The following ITSN1 variants were observed in gnomAD, a reference collection of about 807,000 sequenced individuals.
ITSN1 encodes intersectin 1.
Under a neutral mutation model 239.8 loss-of-function variants are expected in ITSN1, and 58 were observed. The observed-to-expected ratio is 0.24, with a 90% CI of 0.20 to 0.30. The LOEUF (loss-of-function observed/expected upper bound fraction) is 0.30. ITSN1 is among the 10% of genes least tolerant of loss of function. The pLI is 1.00. For synonymous variants in ITSN1, 780 were observed against 770.8 expected (o/e 1.01, Z -0.20); for missense variants, 1,558 against 2,103.3 (o/e 0.74, Z 5.07).
At chr21:33,816,518 G>A (rs1490783786) in intron 22 of ITSN1, among the ~76,000 whole-genome samples, 1 of 152,224 alleles carries the variant, frequency 6.6e-6, no homozygotes, top group East Asian at 1.9e-4. Context: ...CAGAAAATTA[G>A]TAAGTGACAG....
At chr21:33,758,984 A>G (rs1602056986) in intron 8 of ITSN1, among the ~76,000 whole-genome samples, 1 of 152,316 alleles carries the variant, frequency 6.6e-6, no homozygotes, top group African/African-American at 2.4e-5. Context: ...TCTATTTTTA[A>G]TATTTTGCAA....
intron 1 of ITSN1, among the ~76,000 whole-genome samples, chr21:33,668,959 G>A (rs772579219): frequency 6.6e-5 from 10 of 152,206 alleles, no homozygotes; most frequent in African/African-American, 9.6e-5. Flanking sequence ...ATGCCTAGGC[G>A]GCTGAAGGGG....
At chr21:33,674,440 G>T (rs543741721) in intron 1 of ITSN1, among the ~76,000 whole-genome samples, 1 of 152,178 alleles carries the variant, frequency 6.6e-6, no homozygotes, top group Non-Finnish European at 1.5e-5. Flanking sequence ...TTTCTAACAA[G>T]TTCCCCATTA....
intron 1 of ITSN1, among the ~76,000 whole-genome samples, chr21:33,671,520 G>T (rs976129460): frequency 6.6e-6 from 1 of 152,064 alleles, no homozygotes; most frequent in Non-Finnish European, 1.5e-5. Flanking sequence ...CCTGACCTCA[G>T]TGCTGGGATT....
intron 4 of ITSN1, among the ~76,000 whole-genome samples, chr21:33,727,867 T>A (rs2065923492): frequency 6.6e-6 from 1 of 152,118 alleles, no homozygotes; most frequent in African/African-American, 2.4e-5. Context: ...GCTACCATCC[T>A]AACCTGTCAT....
intron 14 of ITSN1, among the ~76,000 whole-genome samples, chr21:33,777,108 T>C (rs963353600): frequency 6.6e-6 from 1 of 152,222 alleles, no homozygotes; most frequent in Non-Finnish European, 1.5e-5. Flanking sequence ...TTGTATCTTA[T>C]ATGTTTAGGT....
intron 1 of ITSN1, among the ~76,000 whole-genome samples, chr21:33,660,017 A>G (rs1454118575): frequency 6.6e-6 from 1 of 152,078 alleles, no homozygotes; most frequent in Non-Finnish European, 1.5e-5. Context: ...CCTGGATTCT[A>G]TCTGATGCTG....
At chr21:33,745,125 G>C (rs2067101756) in intron 5 of ITSN1, among the ~76,000 whole-genome samples, 1 of 152,148 alleles carries the variant, frequency 6.6e-6, no homozygotes, top group Non-Finnish European at 1.5e-5. Flanking sequence ...ATCACAAAAA[G>C]ACAGCTACAT....
chr21:33,735,725 G>A (rs911809660), intron 5 of ITSN1: 12 of 156,626 alleles, frequency 7.7e-5, no homozygotes, highest in African/African-American at 1.2e-4. Context: ...AATTCCAGCC[G>A]GGCATGGTGG....
At chr21:33,784,765 C>T (rs2070514750) in intron 16 of ITSN1, among the ~76,000 whole-genome samples, 1 of 152,098 alleles carries the variant, frequency 6.6e-6, no homozygotes, top group Non-Finnish European at 1.5e-5. Flanking sequence ...TTGTTGTAGC[C>T]ACACTGGAAA....
chr21:33,682,107 T>G (rs2090995187), intron 1 of ITSN1, among the ~76,000 whole-genome samples: 1 of 152,064 alleles, frequency 6.6e-6, no homozygotes, highest in Non-Finnish European at 1.5e-5. Flanking sequence ...CAGAAAAAAT[T>G]TTAAATATGC....
At chr21:33,651,938 T>TA (rs1362794442) in intron 1 of ITSN1, among the ~76,000 whole-genome samples, 1 of 152,242 alleles carries the variant, frequency 6.6e-6, no homozygotes, top group Non-Finnish European at 1.5e-5. Flanking sequence ...TGATTAATAT[T>TA]ACAGTTGTGA....
At chr21:33,649,712 C>T in intron 1 of ITSN1, among the ~76,000 whole-genome samples, 1 of 152,000 alleles carries the variant, frequency 6.6e-6, no homozygotes, top group East Asian at 1.9e-4. Context: ...CAAGTGAATT[C>T]GAATGTGAAA....
chr21:33,679,983 A>C (rs7277865), intron 1 of ITSN1, among the ~76,000 whole-genome samples: 104,728 of 152,076 alleles, frequency 0.69, 36,376 homozygotes, highest in African/African-American at 0.74. Flanking sequence ...CAGGCGTGAG[A>C]CACCGCGCCC....
intron 8 of ITSN1, 108 bp downstream of exon 8, chr21:33,755,505 A>G (rs974254996): frequency 1.4e-5 from 9 of 632,688 alleles, no homozygotes; most frequent in Non-Finnish European, 2.2e-5. Context: ...ATTTCTTGGC[A>G]GTGTTTCCTT....
At chr21:33,809,800 ATT>A (rs201399751) in intron 20 of ITSN1, among the ~76,000 whole-genome samples, 2 of 150,572 alleles carry the variant, frequency 1.3e-5, no homozygotes, top group Non-Finnish European at 3.0e-5. Flanking sequence ...TGAAAATAAA[ATT>A]TTTTTTTTGA....
rs1307405930 is a variant in ITSN1 at position 33,782,089 on chromosome 21, A to G, written c.1780A>G (p.Arg594Gly). 2 of 1,613,964 alleles carry G rather than the reference A, an allele frequency of 1.2e-6. No homozygotes were observed. The highest frequency in any genetic ancestry group is 1.1e-5 in the South Asian group (1 of 91,066). ...ACTGGATGAAGTGGAGAAAGAAACT[A>G]GATCAAAACTACAGGAGATTGATAT... ...DQLDEVEKETRSKLQEIDIFN... is the reference protein window; with the variant it reads ...DQLDEVEKETGSKLQEIDIFN... The change falls in exon 16 of 40, where the codon AGA (arginine) becomes GGA (glycine). Residue 594 changes from arginine (R) to glycine (G), a missense_variant. Arg to Gly is a moderately radical substitution (Grantham distance 125, BLOSUM62 -2). Around this residue, in one of 2 missense-constraint regions of ITSN1, gnomAD observed 982 missense variants for 1,209.9 expected, o/e 0.81. Transcript: ENST00000381318.
intron 32 of ITSN1, among the ~76,000 whole-genome samples, chr21:33,866,800 A>G (rs1249423375): frequency 1.3e-5 from 2 of 152,192 alleles, no homozygotes; most frequent in African/African-American, 4.8e-5. Context: ...ACTCAAAACT[A>G]GACAATGAGA....
At chr21:33,688,348 C>T (rs984752177) in intron 1 of ITSN1, among the ~76,000 whole-genome samples, 1 of 152,254 alleles carries the variant, frequency 6.6e-6, no homozygotes, top group Non-Finnish European at 1.5e-5. Flanking sequence ...ATTCGTAGGA[C>T]TACACTGTAG....
Sources: allele counts gnomAD v4.1 joint callset (sites outside exome capture counted in the v4.1 genomes callset), GRCh38; gene constraint gnomAD v4.1.1; regional missense constraint gnomAD v4.1.1; transcripts MANE v1.5; gene names NCBI Gene and HGNC (gene_info 2026-07-23, HGNC 2026-07-21).